VPS13B: variants seen among roughly 807,000 people sequenced by gnomAD.
VPS13B encodes the protein vacuolar protein sorting 13 homolog B, also known as intermembrane lipid transfer protein VPS13B.
In VPS13B, 285 loss-of-function variants were observed where a neutral mutation model predicts 426.4. The ratio of observed to expected loss-of-function variants is 0.67; its 90% CI spans 0.61 to 0.74. The LOEUF (loss-of-function observed/expected upper bound fraction) is 0.74, where lower values mean the gene tolerates loss of function less well. Ranked by LOEUF, VPS13B falls within the 30% of genes least tolerant of loss-of-function variation. VPS13B has a pLI of 0.00. For missense variants in VPS13B, 4,537 were observed against 4,782.6 expected, an observed-to-expected ratio of 0.95 and a Z score of 1.51; for synonymous variants, 1,676 against 1,676.4, an observed-to-expected ratio of 1.00 and a Z score of 0.01.
intron 11 of VPS13B, 95 bp from the exon 12 acceptor site, chr8:99,136,570 A>G (rs1466803669): frequency 4.1e-6 from 5 of 1,207,186 alleles, no homozygotes; most frequent in Non-Finnish European, 6.1e-6. Flanking sequence ...GTTGTTATAC[A>G]TTCTATATAA....
At chr8:99,209,841 A>G in intron 17 of VPS13B, 1 of 627,344 alleles carries the variant, frequency 1.6e-6, no homozygotes, top group Non-Finnish European at 2.0e-6. Flanking sequence ...AAAGTTTTCA[A>G]ATACTTCAGT....
chr8:99,395,527 G>A (rs1458871539), intron 21 of VPS13B, among the ~76,000 whole-genome samples: 1 of 152,148 alleles, frequency 6.6e-6, no homozygotes, highest in African/African-American at 2.4e-5. Flanking sequence ...TATCTATAGA[G>A]TAAAGGCTAC....
intron 17 of VPS13B, among the ~76,000 whole-genome samples, chr8:99,221,347 C>G (rs549313755): frequency 6.6e-6 from 1 of 151,988 alleles, no homozygotes; most frequent in Admixed American, 6.6e-5. Context: ...AGTTCTAGAT[C>G]CCTGAGGAAT....
intron 30 of VPS13B, among the ~76,000 whole-genome samples, chr8:99,541,142 A>C (rs1823593068): frequency 6.6e-6 from 1 of 152,082 alleles, no homozygotes; most frequent in African/African-American, 2.4e-5. Context: ...ATCTGTTTTT[A>C]AGATTACCAA....
At chr8:99,451,604 A>G (rs950247999) in intron 23 of VPS13B, among the ~76,000 whole-genome samples, 3 of 152,186 alleles carry the variant, frequency 2.0e-5, no homozygotes, top group African/African-American at 7.2e-5. Flanking sequence ...CTCAACATCC[A>G]TGTAGGATTT....
At chr8:99,754,627 A>T (rs1325563743) in intron 39 of VPS13B, among the ~76,000 whole-genome samples, 1 of 152,078 alleles carries the variant, frequency 6.6e-6, no homozygotes, top group Non-Finnish European at 1.5e-5. Flanking sequence ...CTATTTTTTA[A>T]CTATCTACTT....
At chr8:99,744,831 G>GGC (rs1809991064) in intron 39 of VPS13B, among the ~76,000 whole-genome samples, 2 of 146,942 alleles carry the variant, frequency 1.4e-5, no homozygotes, top group East Asian at 2.0e-4. Flanking sequence ...GGGGTGGGGG[G>GGC]AAGGGGGAGG....
intron 21 of VPS13B, among the ~76,000 whole-genome samples, chr8:99,419,143 A>G (rs1816239958): frequency 1.3e-5 from 2 of 152,158 alleles, no homozygotes; most frequent in South Asian, 4.1e-4. Context: ...AGGTTTAACA[A>G]CATCCCCCTA....
chr8:99,659,670 T>C (rs1830149466), intron 34 of VPS13B, among the ~76,000 whole-genome samples: 1 of 152,234 alleles, frequency 6.6e-6, no homozygotes, highest in Non-Finnish European at 1.5e-5. Flanking sequence ...TCTAACTTGT[T>C]TTACTTATCC....
chr8:99,373,416 G>C (rs561775402), intron 19 of VPS13B, among the ~76,000 whole-genome samples: 1 of 152,032 alleles, frequency 6.6e-6, no homozygotes, highest in East Asian at 1.9e-4. Context: ...TGTATATTGT[G>C]ATTATAAAGT....
chr8:99,851,419 T>C (rs1403330832), intron 55 of VPS13B, among the ~76,000 whole-genome samples: 1 of 151,940 alleles, frequency 6.6e-6, no homozygotes, highest in Non-Finnish European at 1.5e-5. Flanking sequence ...AAAGGAAATG[T>C]TATGGTGCAG....
intron 3 of VPS13B, among the ~76,000 whole-genome samples, chr8:99,067,355 C>T (rs1036165704): frequency 6.6e-6 from 1 of 152,020 alleles, no homozygotes; most frequent in Admixed American, 6.6e-5. Context: ...GACATGGATG[C>T]AGCTGGAAAC....
At chr8:99,607,511 G>A (rs1588544791) in intron 33 of VPS13B, among the ~76,000 whole-genome samples, 1 of 152,164 alleles carries the variant, frequency 6.6e-6, no homozygotes, top group Non-Finnish European at 1.5e-5. Flanking sequence ...ATTCTTTTCA[G>A]TTAAGTGTCT....
intron 43 of VPS13B, among the ~76,000 whole-genome samples, chr8:99,788,722 ATTC>A (rs1208221290): frequency 6.6e-6 from 1 of 152,148 alleles, no homozygotes; most frequent in Admixed American, 6.6e-5. Flanking sequence ...CACAATTACT[ATTC>A]TTTTGATTTT....
chr8:99,823,740 C>G (rs1379688019), intron 50 of VPS13B, 92 bp from the exon 51 acceptor site: 5 of 1,368,024 alleles, frequency 3.7e-6, no homozygotes, highest in Non-Finnish European at 4.1e-6. Context: ...TCCTGGCAGA[C>G]AATTAGATAA....
chr8:99,287,297 T>C (rs936833588), intron 19 of VPS13B, among the ~76,000 whole-genome samples: 1 of 151,828 alleles, frequency 6.6e-6, no homozygotes, highest in Non-Finnish European at 1.5e-5. Flanking sequence ...TCTCCCTCCG[T>C]ACTGTATAGA....
chr8:99,164,642 GC>G (rs1811885240), intron 15 of VPS13B, among the ~76,000 whole-genome samples: 1 of 152,142 alleles, frequency 6.6e-6, no homozygotes, highest in Non-Finnish European at 1.5e-5. Context: ...ATTTACCCTG[GC>G]TTTTAAAGGA....
intron 35 of VPS13B, among the ~76,000 whole-genome samples, chr8:99,673,638 A>G (rs565029544): frequency 6.6e-6 from 1 of 151,396 alleles, no homozygotes; most frequent in East Asian, 1.9e-4. Context: ...CCCTCCTTCT[A>G]CTAATTTGGG....
intron 21 of VPS13B, among the ~76,000 whole-genome samples, chr8:99,413,801 A>G (rs1440183986): frequency 4.6e-5 from 7 of 151,588 alleles, no homozygotes; most frequent in African/African-American, 1.7e-4. Flanking sequence ...AGAGACTGTT[A>G]TGATTTCCAT....
Sources: allele counts gnomAD v4.1 joint callset (sites outside exome capture counted in the v4.1 genomes callset), GRCh38; gene constraint gnomAD v4.1.1; transcripts MANE v1.5; gene names NCBI Gene and HGNC (gene_info 2026-07-23, HGNC 2026-07-21).